Variants in PANX1 observed in about 807,000 individuals in gnomAD.
PANX1 encodes pannexin-1.
Under a neutral mutation model 38.7 loss-of-function variants are expected in PANX1, and 30 were observed. The ratio of observed to expected loss-of-function variants is 0.78; its 90% CI spans 0.58 to 1.05. The LOEUF (loss-of-function observed/expected upper bound fraction) is 1.05. PANX1 is among the 50% of genes least tolerant of loss of function. The pLI, the probability that PANX1 is intolerant of heterozygous loss-of-function variation, is 0.00. For synonymous variants in PANX1, 230 were observed against 212.2 expected, an observed-to-expected ratio of 1.08 and a Z score of -0.73; for missense variants, 551 against 517.2, an observed-to-expected ratio of 1.07 and a Z score of -0.63.
chr11:94,167,998 G>A (rs1054293956), intron 2 of PANX1, among the ~76,000 whole-genome samples: 2 of 152,184 alleles, frequency 1.3e-5, no homozygotes, highest in Admixed American at 1.3e-4. Flanking sequence ...TGAAAATATT[G>A]GGGATCCAGC....
At chr11:94,177,635 G>A (rs1222408920) in intron 2 of PANX1, among the ~76,000 whole-genome samples, 1 of 152,086 alleles carries the variant, frequency 6.6e-6, no homozygotes, top group Non-Finnish European at 1.5e-5. Flanking sequence ...CCTGGTTACT[G>A]GGGTGCTCCT....
chr11:94,179,890 CATT>C lies in PANX1; in HGVS notation c.836_838del (p.Ile279del). On this transcript the variant is annotated inframe_deletion, in exon 4 of 5. Coordinates refer to ENST00000227638, the MANE Select transcript of PANX1 (RefSeq NM_015368.4). ...TGGGCATCTTCCAGTTGCTCAGTGT[CATT>C]AACCTTGTGGTTTATGTCCTGCTGG... 1.2e-6 allele frequency: 2 copies of C among 1,614,024 alleles called. No homozygotes were observed. The highest frequency in any genetic ancestry group is 1.7e-6 in the Non-Finnish European group (2 of 1,179,972).
Position 94,179,911 on chromosome 11 carries a change from C to T in PANX1, c.855C>T (p.Val285=). 6.2e-7 allele frequency: 1 copy of T among 1,612,194 alleles called. No homozygotes were observed. The highest frequency in any genetic ancestry group is 8.5e-7 in the Non-Finnish European group (1 of 1,178,670). The change falls in exon 4 of 5, where the codon GTC becomes GTT. Residue 285 remains valine, a synonymous_variant. Coordinates refer to ENST00000227638, the MANE Select transcript of PANX1 (RefSeq NM_015368.4). ...GTGTCATTAACCTTGTGGTTTATGT[C>T]CTGCTGGCTCCCGTGGTTGTCTACA... ...LLSVINLVVY[V]LLAPVVVYTL...
intron 1 of PANX1, among the ~76,000 whole-genome samples, chr11:94,130,551 A>AG (rs1946617701): frequency 4.8e-5 from 1 of 21,048 alleles, no homozygotes; most frequent in South Asian, 9.2e-4. Flanking sequence ...AGACTGGTTG[A>AG]ATGATGGTGG....
chr11:94,129,247 C>G lies in PANX1; in HGVS notation c.-66C>G, dbSNP rs776081336. On this transcript the variant is annotated 5_prime_UTR_variant, in exon 1 of 5. Transcript: ENST00000227638. ...CGCCCGGCCGGTGACTGGGTGAAGG[C>G]GCCGCGCAGCTTTCCCGACGCCGGC... is the stretch of plus-strand genomic sequence containing the variant. 9 of 1,421,458 alleles carry G rather than the reference C, an allele frequency of 6.3e-6. 1 individual carries two copies. The South Asian group carries it at 7.8e-5, about 12-fold the overall frequency. 88.1% of individuals were successfully genotyped at this position (1,421,458 alleles called of 1,614,324 possible).
intron 2 of PANX1, among the ~76,000 whole-genome samples, chr11:94,174,613 G>C (rs921777036): frequency 1.3e-5 from 2 of 151,612 alleles, no homozygotes; most frequent in Non-Finnish European, 2.9e-5. Context: ...CATCTGTCCT[G>C]TGTAATCTTG....
intron 2 of PANX1, among the ~76,000 whole-genome samples, chr11:94,166,683 C>T (rs1373429184): frequency 6.6e-6 from 1 of 152,138 alleles, no homozygotes; most frequent in Non-Finnish European, 1.5e-5. Flanking sequence ...CTTCTCATAC[C>T]TGCATATTAT....
Position 94,129,081 on chromosome 11 carries a change from C to T in PANX1, c.-232C>T, listed in dbSNP as rs1946590329. The T allele has an allele frequency of 2.5e-6, 1 of 395,280 alleles. No individual in the cohort carries two copies. Among genetic ancestry groups the T allele is most frequent in the Non-Finnish European group, 4.3e-6 (1 of 231,158 alleles). The allele number at this position is 395,280 out of a possible 1,614,324, so 24.5% of individuals were successfully genotyped here. A position where few individuals can be genotyped will look rare whatever the true frequency, so the allele number is the denominator to read the frequency against. On this transcript the variant is annotated 5_prime_UTR_variant, in exon 1 of 5. Coordinates refer to ENST00000227638, the MANE Select transcript of PANX1 (RefSeq NM_015368.4). ...GGGTGGAACCGCAGGAAGCGGAGCT[C>T]TCGGGTTCCCGCCCCGCCCCGCCCC...
At chr11:94,164,694 A>C (rs7116049) in intron 2 of PANX1, among the ~76,000 whole-genome samples, 81,062 of 152,100 alleles carry the variant, frequency 0.53, 22,506 homozygotes, top group African/African-American at 0.68. Flanking sequence ...TCTGTTAGGT[A>C]TATTTGGCCT....
chr11:94,180,872 A>AC lies in PANX1; in HGVS notation c.*3_*4insC, dbSNP rs750513456. On this transcript the variant is annotated 3_prime_UTR_variant, in exon 5 of 5. Coordinates refer to ENST00000227638, the MANE Select transcript of PANX1 (RefSeq NM_015368.4). Reference sequence around the variant, plus strand: ...GACTTCTGGATTCTTCTTGCTGATGATTTTTTTCCTTGAGCTGTAAATCTG... The same window carrying AC: ...GACTTCTGGATTCTTCTTGCTGATGACTTTTTTTCCTTGAGCTGTAAATCTG... 4 of 1,555,870 alleles carry AC rather than the reference A, an allele frequency of 2.6e-6. No individual in the cohort carries two copies. The highest frequency in any genetic ancestry group is 3.5e-6 in the Non-Finnish European group (4 of 1,127,206).
chr11:94,158,645 T>G (rs1242386597), intron 2 of PANX1, among the ~76,000 whole-genome samples: 2 of 152,238 alleles, frequency 1.3e-5, no homozygotes, highest in African/African-American at 4.8e-5. Flanking sequence ...AAGGAGATTT[T>G]GGGCTGAGAC....
chr11:94,143,484 A>G (rs1946788264), intron 1 of PANX1, among the ~76,000 whole-genome samples: 1 of 152,186 alleles, frequency 6.6e-6, no homozygotes, highest in Non-Finnish European at 1.5e-5. Context: ...ACTAGTTCCC[A>G]TTTACTGAAT....
chr11:94,131,045 G>A (rs1946624334), intron 1 of PANX1, among the ~76,000 whole-genome samples: 1 of 152,216 alleles, frequency 6.6e-6, no homozygotes, highest in Non-Finnish European at 1.5e-5. Flanking sequence ...CCACCAAGTA[G>A]CATGAGTCCT....
chr11:94,152,580 G>A (rs1005703225), intron 1 of PANX1, among the ~76,000 whole-genome samples: 1 of 152,114 alleles, frequency 6.6e-6, no homozygotes, highest in Non-Finnish European at 1.5e-5. Context: ...GGGGATCAGG[G>A]CTGGGCCAGG....
At chr11:94,132,223 A>G (rs1460549185) in intron 1 of PANX1, among the ~76,000 whole-genome samples, 1 of 152,228 alleles carries the variant, frequency 6.6e-6, no homozygotes, top group Non-Finnish European at 1.5e-5. Flanking sequence ...TGTCAGACAC[A>G]CGTAGGACAT....
Position 94,162,871 on chromosome 11 carries a change from C to CTTTTTTTTT in PANX1, c.321+9251_321+9259dup, listed in dbSNP as rs59182320. ...GGCCATCTTGGCTCCACCAACCTCT[C>CTTTTTTTTT]TTTTTTTTTTTTTTTTTTGAGACAG... On this transcript the variant is annotated intron_variant, in intron 2 of 4. Coordinates refer to ENST00000227638, the MANE Select transcript of PANX1 (RefSeq NM_015368.4). Among the ~76,000 whole-genome samples, 903 of 107,298 alleles carry CTTTTTTTTT rather than the reference C, an allele frequency of 8.4e-3. 77 individuals carry two copies. Among genetic ancestry groups the CTTTTTTTTT allele is most frequent in the African/African-American group, 0.028 (687 of 24,906 alleles). The allele number at this position is 107,298 out of a possible 152,430, so 70.4% of individuals were successfully genotyped here.
intron 2 of PANX1, among the ~76,000 whole-genome samples, chr11:94,170,251 T>G (rs1947150279): frequency 6.6e-6 from 1 of 151,694 alleles, no homozygotes; most frequent in African/African-American, 2.4e-5. Context: ...ACCTCCATTC[T>G]GTTTTCTGTC....
chr11:94,141,380 A>C (rs1946760096), intron 1 of PANX1, among the ~76,000 whole-genome samples: 1 of 152,114 alleles, frequency 6.6e-6, no homozygotes, highest in Non-Finnish European at 1.5e-5. Flanking sequence ...CCCTATTTAC[A>C]CTGGGATTTC....
At chr11:94,158,452 G>C (rs997993445) in intron 2 of PANX1, among the ~76,000 whole-genome samples, 3 of 152,086 alleles carry the variant, frequency 2.0e-5, no homozygotes, top group African/African-American at 7.2e-5. Flanking sequence ...TCTCCTTGAA[G>C]AGGTCCTTCA....
Sources: allele counts gnomAD v4.1 joint callset (sites outside exome capture counted in the v4.1 genomes callset), GRCh38; gene constraint gnomAD v4.1.1; transcripts MANE v1.5; gene names NCBI Gene and HGNC (gene_info 2026-07-23, HGNC 2026-07-21).